Variants in TRMT11 observed in about 807,000 individuals in gnomAD.
The protein encoded by TRMT11 is tRNA (guanine(10)-N(2))-methyltransferase TRMT11.
In TRMT11, 53 loss-of-function variants were observed where a neutral mutation model predicts 62.8. The ratio of observed to expected loss-of-function variants is 0.84; its 90% CI spans 0.68 to 1.06. TRMT11 has a LOEUF of 1.06. TRMT11 is among the 50% of genes least tolerant of loss of function. The pLI is 0.00. For synonymous variants in TRMT11, 188 were observed against 190.3 expected (o/e 0.99, Z 0.10); for missense variants, 556 against 553.4 (o/e 1.00, Z -0.05).
intron 1 of TRMT11, among the ~76,000 whole-genome samples, chr6:126,193,549 T>C (rs747855835): frequency 7.1e-6 from 1 of 140,948 alleles, no homozygotes; most frequent in African/African-American, 2.8e-5. Flanking sequence ...CAGGCTGGAG[T>C]GCAGGCAATC....
intron 7 of TRMT11, among the ~76,000 whole-genome samples, chr6:126,006,636 C>T (rs1211661977): frequency 6.6e-6 from 1 of 151,384 alleles, no homozygotes; most frequent in African/African-American, 2.4e-5. Flanking sequence ...CAAAAAGATC[C>T]CCTAAAAAAC....
intron 3 of TRMT11, among the ~76,000 whole-genome samples, chr6:126,201,017 G>A (rs534395985): frequency 6.6e-6 from 1 of 152,234 alleles, no homozygotes; most frequent in South Asian, 2.1e-4. Context: ...GTGCAGATCT[G>A]TCTGCTAACA....
chr6:126,128,915 ATTT>A (rs36071656), intron 21 of TRMT11, among the ~76,000 whole-genome samples: 5,253 of 130,446 alleles, frequency 0.04, 205 homozygotes, highest in African/African-American at 0.11. Flanking sequence ...TTGTTTTCTG[ATTT>A]TTTTTTTTTT....
chr6:126,083,300 G>C (rs1777178971), intron 17 of TRMT11, among the ~76,000 whole-genome samples: 1 of 152,010 alleles, frequency 6.6e-6, no homozygotes, highest in Non-Finnish European at 1.5e-5. Context: ...CTGGAGTACT[G>C]TTCATTTCCC....
chr6:126,199,309 C>T (rs73771412), intron 2 of TRMT11, among the ~76,000 whole-genome samples: 4,508 of 152,246 alleles, frequency 0.03, 224 homozygotes, highest in African/African-American at 0.1. Flanking sequence ...ACAAACATTC[C>T]ATTTCAATTT....
At chr6:126,002,887 G>T (rs564095064) in intron 7 of TRMT11, among the ~76,000 whole-genome samples, 3 of 151,640 alleles carry the variant, frequency 2.0e-5, no homozygotes, top group Admixed American at 6.6e-5. Flanking sequence ...TCTTATTTTC[G>T]CTACTTTCTT....
intron 21 of TRMT11, among the ~76,000 whole-genome samples, chr6:126,125,789 T>G (rs1011140070): frequency 6.6e-6 from 1 of 152,084 alleles, no homozygotes; most frequent in African/African-American, 2.4e-5. Context: ...AGTTGTCAAT[T>G]TAAATATTGG....
intron 1 of TRMT11, among the ~76,000 whole-genome samples, chr6:126,184,181 G>C (rs1193778908): frequency 6.6e-6 from 1 of 152,212 alleles, no homozygotes; most frequent in Non-Finnish European, 1.5e-5. Flanking sequence ...GTAATGCACA[G>C]TGCAAACTAT....
At chr6:126,121,819 TC>T (rs1338943523) in intron 21 of TRMT11, among the ~76,000 whole-genome samples, 6 of 152,046 alleles carry the variant, frequency 3.9e-5, no homozygotes, top group Admixed American at 3.9e-4. Context: ...GGTCTATTAT[TC>T]TGAAATCACC....
intron 17 of TRMT11, among the ~76,000 whole-genome samples, chr6:126,060,126 A>T (rs141866473): frequency 5.4e-4 from 82 of 152,318 alleles, no homozygotes; most frequent in African/African-American, 1.9e-3. Flanking sequence ...AAGAGTATAT[A>T]AACCCCATGA....
intron 21 of TRMT11, among the ~76,000 whole-genome samples, chr6:126,134,500 A>C (rs945615655): frequency 1.6e-4 from 24 of 151,920 alleles, no homozygotes; most frequent in Non-Finnish European, 1.5e-5. Flanking sequence ...ATATATAAGA[A>C]AATATTAATA....
intron 16 of TRMT11, among the ~76,000 whole-genome samples, chr6:126,053,065 A>G (rs775081930): frequency 5.3e-5 from 8 of 151,662 alleles, no homozygotes; most frequent in Non-Finnish European, 1.0e-4. Flanking sequence ...ACCTAAGGCT[A>G]GACCTTGAAG....
intron 17 of TRMT11, among the ~76,000 whole-genome samples, chr6:126,104,367 G>C (rs1777439854): frequency 6.6e-6 from 1 of 152,182 alleles, no homozygotes; most frequent in Non-Finnish European, 1.5e-5. Context: ...AGAGAAACTG[G>C]AAAGTCCAGG....
intron 16 of TRMT11, among the ~76,000 whole-genome samples, chr6:126,044,742 G>T (rs1775996342): frequency 1.3e-5 from 2 of 152,096 alleles, no homozygotes; most frequent in African/African-American, 4.8e-5. Context: ...CAGAGTAAAG[G>T]CATGCTTACT....
chr6:126,181,719 G>C (rs1049153607), intron 1 of TRMT11, among the ~76,000 whole-genome samples: 1 of 152,116 alleles, frequency 6.6e-6, no homozygotes, highest in African/African-American at 2.4e-5. Flanking sequence ...AGAAGAAGAG[G>C]GTGTTTTCCA....
At chr6:126,258,683 C>T in the TRMT11 span, among the ~76,000 whole-genome samples, 24 of 152,128 alleles carry the variant, frequency 1.6e-4, no homozygotes, top group African/African-American at 4.6e-4. Context: ...CACAATAATT[C>T]CTTATGTGTC....
chr6:126,000,891 G>A (rs111826659), intron 7 of TRMT11, among the ~76,000 whole-genome samples: 1 of 151,876 alleles, frequency 6.6e-6, no homozygotes, highest in African/African-American at 2.4e-5. Context: ...CTTTTTATTG[G>A]AAATAATATC....
chr6:126,013,954 A>G (rs1057179043), intron 11 of TRMT11, among the ~76,000 whole-genome samples: 2 of 152,334 alleles, frequency 1.3e-5, no homozygotes, highest in Non-Finnish European at 1.5e-5. Context: ...GCTTTAATAT[A>G]TATTGGCTAT....
chr6:126,186,670 A>G (rs1334522197), intron 1 of TRMT11, among the ~76,000 whole-genome samples: 2 of 152,056 alleles, frequency 1.3e-5, no homozygotes, highest in Admixed American at 6.6e-5. Context: ...AATCTTTCAT[A>G]TATGTTGTAG....
Sources: allele counts gnomAD v4.1 joint callset (sites outside exome capture counted in the v4.1 genomes callset), GRCh38; gene constraint gnomAD v4.1.1; transcripts MANE v1.5; gene names NCBI Gene and HGNC (gene_info 2026-07-23, HGNC 2026-07-21).